The following ARHGEF10 variants were observed in gnomAD, a reference collection of about 807,000 sequenced individuals.
ARHGEF10 encodes Rho guanine nucleotide exchange factor (GEF) 10.
In ARHGEF10, 140 loss-of-function variants were observed where a neutral mutation model predicts 147.4. The observed-to-expected ratio is 0.95, with a 90% confidence interval of 0.83 to 1.09. The LOEUF is 1.09. Ranked by LOEUF, ARHGEF10 falls within the 50% of genes least tolerant of loss-of-function variation. ARHGEF10 has a pLI of 0.00. For synonymous variants in ARHGEF10, 902 were observed against 695.8 expected, an observed-to-expected ratio of 1.30 and a Z score of -4.67; for missense variants, 2,222 against 1,752.7, an observed-to-expected ratio of 1.27 and a Z score of -4.78.
intron 4 of ARHGEF10, among the ~76,000 whole-genome samples, chr8:1,861,736 A>G (rs1198480341): frequency 1.3e-5 from 2 of 152,166 alleles, no homozygotes; most frequent in Non-Finnish European, 2.9e-5. Flanking sequence ...AGTCGGCCAG[A>G]GTCCTCGGAA....
intron 7 of ARHGEF10, chr8:1,871,162 C>T (rs867196909): frequency 9.5e-4 from 135 of 142,384 alleles, no homozygotes; most frequent in African/African-American, 3.0e-3. Flanking sequence ...ATTAGAACAG[C>T]AATGTAGTAT....
At chr8:1,931,550 C>T (rs1178366825) in intron 25 of ARHGEF10, among the ~76,000 whole-genome samples, 2 of 152,084 alleles carry the variant, frequency 1.3e-5, no homozygotes, top group Admixed American at 6.5e-5. Context: ...TCCGGCGTAC[C>T]GTGTGGGAGC....
rs952555157 is a variant in ARHGEF10 at position 1,948,515 on chromosome 8, G to A, written c.3397+2860G>A. 3.3e-5 allele frequency among the ~76,000 whole-genome samples: 5 copies of A among 152,172 alleles called. No homozygotes were observed. Among genetic ancestry groups the A allele is most frequent in the East Asian group, 1.9e-4 (1 of 5,196 alleles). On this transcript the variant is annotated intron_variant, in intron 27 of 28. Coordinates refer to ENST00000349830, the MANE Select transcript of ARHGEF10 (RefSeq NM_014629.4). This position sits in a 1 kb window ranked among gnomAD's most constrained non-coding sequence, Gnocchi z 4.9. ...TCCCAGGCTGTGGTCTGCTGCCACC[G>A]TGGCCTTGTCAGCAGGAGAAAGGTA...
chr8:1,905,695 T>C lies in ARHGEF10; in HGVS notation c.1946T>C (p.Met649Thr), dbSNP rs747053543. 1.2e-5 allele frequency: 19 copies of C among 1,614,116 alleles called. No homozygotes were observed. The South Asian group carries it at 1.9e-4, about 16-fold the overall frequency. The change falls in exon 17 of 29, where the codon ATG (methionine) becomes ACG (threonine). Residue 649 changes from methionine (M) to threonine (T), a missense_variant. Transcript: ENST00000349830. ...GTCTTCATGTTAAATGATGTGTTAA[T>C]GTGTGCCACCGTCAGCTCACGGTAA... ...RRVFMLNDVL[M>T]CATVSSRPSH...
chr8:1,945,153 G>A (rs1291417109), intron 26 of ARHGEF10, among the ~76,000 whole-genome samples: 1 of 152,200 alleles, frequency 6.6e-6, no homozygotes, highest in South Asian at 2.1e-4. Flanking sequence ...GTTCTGATGG[G>A]CCTGGGGGGA....
chr8:1,938,787 A>G (rs1294571003), intron 26 of ARHGEF10, among the ~76,000 whole-genome samples: 1 of 152,134 alleles, frequency 6.6e-6, no homozygotes, highest in Non-Finnish European at 1.5e-5. Flanking sequence ...AGAAAATAAA[A>G]CAACAGGCCC....
At chr8:1,891,433 T>C (rs1380026134) in intron 11 of ARHGEF10, among the ~76,000 whole-genome samples, 1 of 152,212 alleles carries the variant, frequency 6.6e-6, no homozygotes. Flanking sequence ...AAATGTTCTT[T>C]TTGAAATAAA....
chr8:1,891,788 G>C (rs1209216973), intron 11 of ARHGEF10, among the ~76,000 whole-genome samples: 1 of 152,038 alleles, frequency 6.6e-6, no homozygotes, highest in Non-Finnish European at 1.5e-5. Flanking sequence ...ATAATTTGAC[G>C]TGTCAGATTG....
rs146918202 is a variant in ARHGEF10 at position 1,933,843 on chromosome 8, C to T, written c.3123C>T (p.Gly1041=). 2.1e-5 allele frequency: 34 copies of T among 1,614,044 alleles called. No homozygotes were observed. The highest frequency in any genetic ancestry group is 2.5e-5 in the Non-Finnish European group (29 of 1,180,034). The part of the protein sequence containing the change: ...DSEPQKVIKL[G]VLPVRSLLMM... The stretch of plus-strand genomic sequence containing the variant: ...AACCTCAAAAAGTGATCAAGTTAGG[C>T]GTCCTACCAGTTAGAAGTCTACTCA... Residue 1041 remains glycine, a synonymous_variant, in exon 26 of 29, where the codon GGC becomes GGT. Transcript: ENST00000349830.
chr8:1,844,648 G>T (rs979070645), intron 2 of ARHGEF10, among the ~76,000 whole-genome samples: 1 of 152,166 alleles, frequency 6.6e-6, no homozygotes, highest in East Asian at 1.9e-4. Context: ...CAGCTCCACT[G>T]CTTCTCTTCT....
At chr8:1,893,234 A>T (rs117393695) in intron 11 of ARHGEF10, among the ~76,000 whole-genome samples, 4,263 of 152,314 alleles carry the variant, frequency 0.028, 70 homozygotes, top group Middle Eastern at 0.054. Context: ...AATTCATAGG[A>T]AGTATCATCT....
At chr8:1,900,351 G>T (rs891366266) in intron 15 of ARHGEF10, among the ~76,000 whole-genome samples, 2 of 152,130 alleles carry the variant, frequency 1.3e-5, no homozygotes, top group Non-Finnish European at 2.9e-5. Context: ...CCGTCCTGGG[G>T]AGGTCGTTGT....
intron 18 of ARHGEF10, among the ~76,000 whole-genome samples, chr8:1,916,177 T>C (rs941932866): frequency 1.3e-5 from 2 of 152,130 alleles, no homozygotes; most frequent in African/African-American, 4.8e-5. Flanking sequence ...CAGGACGGCC[T>C]GTGGACAGGG....
chr8:1,922,268 TA>T lies in ARHGEF10; in HGVS notation c.2144-681del, dbSNP rs751644517. Among the ~76,000 whole-genome samples the T allele has an allele frequency of 3.6e-3, 496 of 136,782 alleles. 2 individuals carry two copies. Among genetic ancestry groups the T allele is most frequent in the East Asian group, 0.017 (79 of 4,688 alleles). 89.7% of individuals were successfully genotyped at this position (136,782 alleles called of 152,430 possible). On this transcript the variant is annotated intron_variant, in intron 18 of 28. Transcript: ENST00000349830. ...CGAAGACAAACCATTTCTATTCCCT[TA>T]AAAAAAAAAAAAAACTTTAGGAAAG...
intron 17 of ARHGEF10, among the ~76,000 whole-genome samples, chr8:1,906,236 A>C (rs1175773011): frequency 6.6e-6 from 1 of 152,234 alleles, no homozygotes; most frequent in African/African-American, 2.4e-5. Context: ...CTTCAAATAC[A>C]GGTAGATGAT....
intron 7 of ARHGEF10, 90 bp from the exon 8 acceptor site, chr8:1,876,480 TC>T (rs1807713674): frequency 2.3e-6 from 3 of 1,313,954 alleles, no homozygotes; most frequent in Non-Finnish European, 3.3e-6. Flanking sequence ...CACCCCCAGC[TC>T]TAGATGATTT....
intron 2 of ARHGEF10, among the ~76,000 whole-genome samples, chr8:1,849,683 A>G (rs1804871720): frequency 1.4e-5 from 2 of 138,486 alleles, no homozygotes; most frequent in Admixed American, 7.6e-5. Flanking sequence ...CCACGTGGGC[A>G]TGGATGGCAA....
intron 6 of ARHGEF10, among the ~76,000 whole-genome samples, chr8:1,868,710 T>C (rs1455669007): frequency 6.6e-6 from 1 of 152,190 alleles, no homozygotes; most frequent in Non-Finnish European, 1.5e-5. Flanking sequence ...ATTGGGATGG[T>C]TTTCCATTGT....
rs1805842265 is a variant in ARHGEF10 at position 1,858,970 on chromosome 8, C to G, written c.193+855C>G. Among the ~76,000 whole-genome samples the G allele has an allele frequency of 2.6e-5, 4 of 152,114 alleles. No homozygotes were observed. In the South Asian group the frequency reaches 8.3e-4, roughly 32 times the overall value. ...TACCGTGTTTCTTTGTGCGTAGCACCAGCCTCTCGGTTCTTTGCATGGTTT... is the reference window on the plus strand; with the variant it reads ...TACCGTGTTTCTTTGTGCGTAGCACGAGCCTCTCGGTTCTTTGCATGGTTT... On this transcript the variant is annotated intron_variant, in intron 3 of 28. Coordinates refer to ENST00000349830, the MANE Select transcript of ARHGEF10 (RefSeq NM_014629.4).
Sources: allele counts gnomAD v4.1 joint callset (sites outside exome capture counted in the v4.1 genomes callset), GRCh38; gene constraint gnomAD v4.1.1; non-coding constraint Gnocchi (gnomAD v3.1); transcripts MANE v1.5; gene names NCBI Gene and HGNC (gene_info 2026-07-23, HGNC 2026-07-21).